The following REEP5 variants were observed in gnomAD, a reference collection of about 807,000 sequenced individuals.
The protein encoded by REEP5 is receptor expression-enhancing protein 5.
REEP5 carries 24 observed loss-of-function variants against 22.4 expected under a neutral mutation model. The ratio of observed to expected loss-of-function variants is 1.07; its 90% CI spans 0.78 to 1.51. REEP5 has a LOEUF of 1.51. REEP5 is among the 40% of genes most tolerant of loss of function. The pLI is 0.00. For missense variants in REEP5, 252 were observed against 233.0 expected (o/e 1.08, Z -0.53); for synonymous variants, 103 against 88.6 (o/e 1.16, Z -0.92).
At chr5:112,883,426 TTC>T (rs1273908104) in intron 4 of REEP5, among the ~76,000 whole-genome samples, 2 of 152,214 alleles carry the variant, frequency 1.3e-5, no homozygotes, top group African/African-American at 4.8e-5. Context: ...AAGAAAAACT[TTC>T]TGTTCTTGGC....
chr5:112,900,069 G>A (rs1339295809), intron 3 of REEP5, among the ~76,000 whole-genome samples: 1 of 152,114 alleles, frequency 6.6e-6, no homozygotes, highest in African/African-American at 2.4e-5. Flanking sequence ...CCAGTTTAAT[G>A]AACAAAATAT....
intron 3 of REEP5, among the ~76,000 whole-genome samples, chr5:112,900,357 T>C (rs992146204): frequency 6.6e-6 from 1 of 152,242 alleles, no homozygotes; most frequent in Non-Finnish European, 1.5e-5. Flanking sequence ...ATTTATCAAA[T>C]CTTTTTCTTT....
At chr5:112,907,059 A>G (rs1032616334) in intron 2 of REEP5, among the ~76,000 whole-genome samples, 3 of 152,246 alleles carry the variant, frequency 2.0e-5, no homozygotes, top group African/African-American at 2.4e-5. Flanking sequence ...AAAGGATTCA[A>G]GATAACAACA....
At chr5:112,883,164 T>TC (rs1561646512) in intron 4 of REEP5, among the ~76,000 whole-genome samples, 1 of 152,260 alleles carries the variant, frequency 6.6e-6, no homozygotes, top group Admixed American at 6.5e-5. Context: ...CATAATTCCT[T>TC]CTTCCAGTTA....
At chr5:112,921,892 C>A in intron 1 of REEP5, 181 bp downstream of exon 1, 1 of 707,164 alleles carries the variant, frequency 1.4e-6, no homozygotes, top group Non-Finnish European at 2.1e-6. Flanking sequence ...CTGGGCAGCC[C>A]CCGCGGGGTC....
intron 2 of REEP5, among the ~76,000 whole-genome samples, chr5:112,918,503 G>A (rs1273105457): frequency 6.6e-6 from 1 of 152,172 alleles, no homozygotes; most frequent in African/African-American, 2.4e-5. Context: ...TCTTGTGATG[G>A]CCCAAGGAGA....
chr5:112,908,257 C>T (rs1481645378), intron 2 of REEP5, among the ~76,000 whole-genome samples: 2 of 151,902 alleles, frequency 1.3e-5, no homozygotes, highest in South Asian at 4.2e-4. Flanking sequence ...CCTGCCACCA[C>T]GCCCCGCTAG....
intron 2 of REEP5, 126 bp from the exon 3 acceptor site, chr5:112,902,644 C>G (rs1768877346): frequency 7.8e-6 from 6 of 768,264 alleles, no homozygotes; most frequent in African/African-American, 1.8e-5. Context: ...CACTGTGTCA[C>G]TAGATGCAAG....
intron 4 of REEP5, among the ~76,000 whole-genome samples, chr5:112,880,251 G>GA (rs952925391): frequency 2.6e-5 from 4 of 151,664 alleles, no homozygotes; most frequent in Non-Finnish European, 5.9e-5. Flanking sequence ...CATCTCTATA[G>GA]AAAAAAAAGA....
At position 112,922,057 on chromosome 5, in the gene REEP5, AC is replaced by A; in HGVS notation, c.118+15del. The A allele has an allele frequency of 5.1e-6, 8 of 1,579,756 alleles. No homozygotes were observed. The highest frequency in any genetic ancestry group is 2.4e-5 in the East Asian group (1 of 41,320). ...TCCCGTGGCCCTACCAGCGGCGGCG[AC>A]CCCCGGCCACCCACCAAGAGCGATG... On this transcript the variant is annotated intron_variant, in intron 1 of 4. Transcript: ENST00000379638.
chr5:112,921,285 G>C, intron 1 of REEP5, 29 bp from the exon 2 acceptor site: 2 of 1,608,566 alleles, frequency 1.2e-6, no homozygotes, highest in Non-Finnish European at 1.7e-6. Flanking sequence ...GAAGTGGGTC[G>C]GGCAGCATGA....
At chr5:112,888,839 G>A (rs1169862212) in intron 3 of REEP5, among the ~76,000 whole-genome samples, 1 of 150,728 alleles carries the variant, frequency 6.6e-6, no homozygotes, top group African/African-American at 2.5e-5. Flanking sequence ...TGGTTTAGCT[G>A]TGTCCCCACC....
At chr5:112,904,204 C>G (rs1300790385) in intron 2 of REEP5, among the ~76,000 whole-genome samples, 2 of 152,146 alleles carry the variant, frequency 1.3e-5, no homozygotes, top group Non-Finnish European at 2.9e-5. Flanking sequence ...AATGTATGCA[C>G]AAAGTCTGTA....
At chr5:112,904,994 C>T (rs1768923765) in intron 2 of REEP5, among the ~76,000 whole-genome samples, 1 of 151,986 alleles carries the variant, frequency 6.6e-6, no homozygotes, top group African/African-American at 2.4e-5. Context: ...TGAAAGAAGC[C>T]AGGAAAAGGC....
intron 3 of REEP5, chr5:112,893,784 C>G (rs1768582681): frequency 6.6e-6 from 1 of 152,264 alleles, no homozygotes; most frequent in Non-Finnish European, 1.5e-5. Context: ...GGTCCAAGCA[C>G]TCCAAGGAAG....
At position 112,919,424 on chromosome 5, in the gene REEP5, T is replaced by C. The variant is rs1243513789; in HGVS notation, c.212+1739A>G. 4.6e-5 allele frequency among the ~76,000 whole-genome samples: 7 copies of C among 150,730 alleles called. 1 individual carries two copies. The highest frequency in any genetic ancestry group is 1.7e-4 in the African/African-American group (7 of 40,826). On this transcript the variant is annotated intron_variant, in intron 2 of 4. Coordinates refer to ENST00000379638, the MANE Select transcript of REEP5 (RefSeq NM_005669.5). ...TTACTCAGGCGTGGTGGCACACGCC[T>C]GTAATCCCAGCTACTAGGGAGGCTG... is the stretch of plus-strand genomic sequence containing the variant.
At chr5:112,878,998 C>G (rs1767983187) in intron 4 of REEP5, among the ~76,000 whole-genome samples, 163 bp from the exon 5 acceptor site, 1 of 151,786 alleles carries the variant, frequency 6.6e-6, no homozygotes, top group South Asian at 2.1e-4. Context: ...AAGAGGGTTT[C>G]CAGGAAATGG....
At chr5:112,888,083 C>A (rs1400386004) in intron 3 of REEP5, among the ~76,000 whole-genome samples, 1 of 152,206 alleles carries the variant, frequency 6.6e-6, no homozygotes, top group African/African-American at 2.4e-5. Flanking sequence ...TACAAAAAAA[C>A]AGAAGTCACT....
chr5:112,904,221 T>A (rs1455766881), intron 2 of REEP5, among the ~76,000 whole-genome samples: 1 of 152,228 alleles, frequency 6.6e-6, no homozygotes. Flanking sequence ...TGTATTTTTT[T>A]AGCTTCCTTC....
Sources: allele counts gnomAD v4.1 joint callset (sites outside exome capture counted in the v4.1 genomes callset), GRCh38; gene constraint gnomAD v4.1.1; transcripts MANE v1.5; gene names NCBI Gene and HGNC (gene_info 2026-07-23, HGNC 2026-07-21).